Variants in GNA14 observed in about 807,000 individuals in gnomAD.
GNA14 encodes the protein G protein subunit alpha 14.
In GNA14, 50 loss-of-function variants were observed where a neutral mutation model predicts 42.0. The observed-to-expected ratio is 1.19, with a 90% CI of 0.95 to 1.51. GNA14 has a LOEUF of 1.51. Among genes scored for constraint, GNA14 ranks in the 40% most tolerant of loss-of-function variants. GNA14 has a pLI of 0.00. For synonymous variants in GNA14, 173 were observed against 163.1 expected (o/e 1.06, Z -0.46); for missense variants, 473 against 446.2 (o/e 1.06, Z -0.54).
chr9:77,560,992 G>A (rs1822874734), intron 1 of GNA14, among the ~76,000 whole-genome samples: 1 of 152,134 alleles, frequency 6.6e-6, no homozygotes, highest in Admixed American at 6.5e-5. Flanking sequence ...GACCACATAA[G>A]ACCGTCCTCT....
intron 1 of GNA14, among the ~76,000 whole-genome samples, chr9:77,589,832 G>T (rs1050794120): frequency 6.6e-6 from 1 of 152,144 alleles, no homozygotes; most frequent in East Asian, 1.9e-4. Flanking sequence ...TATAAACTAC[G>T]TCTTTTATAA....
At chr9:77,569,206 T>G (rs908053029) in intron 1 of GNA14, among the ~76,000 whole-genome samples, 6 of 151,604 alleles carry the variant, frequency 4.0e-5, no homozygotes, top group East Asian at 1.9e-4. Context: ...CCGCAGAAGG[T>G]GTGTTGAACT....
chr9:77,623,683 C>T (rs1823969943), intron 1 of GNA14, among the ~76,000 whole-genome samples: 1 of 152,174 alleles, frequency 6.6e-6, no homozygotes, highest in Non-Finnish European at 1.5e-5. Context: ...ACTCCCTACC[C>T]TAGCCAAGGG....
intron 1 of GNA14, among the ~76,000 whole-genome samples, chr9:77,583,646 C>G (rs1823260086): frequency 1.3e-5 from 2 of 152,188 alleles, no homozygotes; most frequent in Non-Finnish European, 2.9e-5. Flanking sequence ...TCCCCATCAT[C>G]TCTTCTCCAA....
At chr9:77,631,608 T>C (rs1824101482) in intron 1 of GNA14, among the ~76,000 whole-genome samples, 2 of 152,036 alleles carry the variant, frequency 1.3e-5, no homozygotes, top group East Asian at 1.9e-4. Context: ...CACAGTACAA[T>C]GTCAGTATCT....
chr9:77,594,412 T>G (rs1823433601), intron 1 of GNA14, among the ~76,000 whole-genome samples: 1 of 152,180 alleles, frequency 6.6e-6, no homozygotes, highest in South Asian at 2.1e-4. Context: ...CAAGTTTCCA[T>G]GAACTATCTA....
chr9:77,456,658 GTTCT>G (rs375907855), intron 2 of GNA14: 231 of 152,210 alleles, frequency 1.5e-3, no homozygotes, highest in African/African-American at 5.5e-3. Context: ...AGTAACGTAT[GTTCT>G]TTCTAAAACA....
At chr9:77,457,244 A>G (rs1244760635) in intron 2 of GNA14, among the ~76,000 whole-genome samples, 1 of 152,258 alleles carries the variant, frequency 6.6e-6, no homozygotes, top group African/African-American at 2.4e-5. Flanking sequence ...AGAAAAAGAA[A>G]GAGACTGAGT....
rs1010702900 is a variant in GNA14, at chr9:77,473,896, C to A, written c.310-39374G>T. On this transcript the variant is annotated intron_variant, in intron 2 of 6. Coordinates refer to ENST00000341700, the MANE Select transcript of GNA14 (RefSeq NM_004297.4). ...CTGATTTTATTACAAAGGTGCCAAG[C>A]TAATTCAATGGGAAAAGATTGTTCC... Among the ~76,000 whole-genome samples, 3 of 152,128 alleles carry A rather than the reference C, an allele frequency of 2.0e-5. No homozygotes were observed. The South Asian group carries it at 6.2e-4, about 31-fold the overall frequency.
chr9:77,630,942 G>C (rs542369586), intron 1 of GNA14, among the ~76,000 whole-genome samples: 89 of 152,252 alleles, frequency 5.8e-4, no homozygotes, highest in African/African-American at 2.1e-3. Context: ...CCCAACATTA[G>C]AGTCTATTTT....
intron 1 of GNA14, among the ~76,000 whole-genome samples, chr9:77,641,826 C>T (rs1420989557): frequency 6.6e-6 from 1 of 152,050 alleles, no homozygotes; most frequent in Non-Finnish European, 1.5e-5. Context: ...ACAGACCTTT[C>T]ATAAGTGTAC....
intron 1 of GNA14, among the ~76,000 whole-genome samples, chr9:77,611,828 G>A (rs1489625965): frequency 6.6e-6 from 1 of 152,142 alleles, no homozygotes; most frequent in African/African-American, 2.4e-5. Flanking sequence ...TATTCTGAGT[G>A]AGCCAAAATA....
chr9:77,639,757 C>T (rs1824230732), intron 1 of GNA14, among the ~76,000 whole-genome samples: 2 of 152,232 alleles, frequency 1.3e-5, no homozygotes, highest in Admixed American at 1.3e-4. Flanking sequence ...TCTCCAATTT[C>T]CATTAATTCT....
chr9:77,571,783 G>A (rs1340064629), intron 1 of GNA14, among the ~76,000 whole-genome samples: 1 of 150,888 alleles, frequency 6.6e-6, no homozygotes, highest in Non-Finnish European at 1.5e-5. Context: ...GTTAAGTGCT[G>A]TGAATACACA....
chr9:77,625,337 CAGG>C (rs1456344490), intron 1 of GNA14, among the ~76,000 whole-genome samples: 2 of 152,050 alleles, frequency 1.3e-5, no homozygotes, highest in African/African-American at 2.4e-5. Flanking sequence ...GGATATTATC[CAGG>C]AGAACTTCCC....
intron 1 of GNA14, among the ~76,000 whole-genome samples, chr9:77,547,717 T>TA: frequency 6.6e-6 from 1 of 152,338 alleles, no homozygotes; most frequent in East Asian, 1.9e-4. Context: ...TGGATGACCT[T>TA]AAACAAATTA....
intron 2 of GNA14, among the ~76,000 whole-genome samples, chr9:77,511,281 T>C (rs1837164319): frequency 6.6e-6 from 1 of 152,096 alleles, no homozygotes; most frequent in Non-Finnish European, 1.5e-5. Flanking sequence ...ACAATTTCAA[T>C]TCCCACTTTG....
At chr9:77,559,017 G>A (rs553540829) in intron 1 of GNA14, among the ~76,000 whole-genome samples, 5 of 151,526 alleles carry the variant, frequency 3.3e-5, no homozygotes, top group South Asian at 4.2e-4. Context: ...CTTCTCCATC[G>A]TTGGCTGGCT....
intron 2 of GNA14, among the ~76,000 whole-genome samples, chr9:77,490,757 G>A (rs1322058671): frequency 6.6e-6 from 1 of 152,182 alleles, no homozygotes; most frequent in East Asian, 1.9e-4. Context: ...TCCTGCTCAC[G>A]CCTCTCCCTC....
Sources: allele counts gnomAD v4.1 joint callset (sites outside exome capture counted in the v4.1 genomes callset), GRCh38; gene constraint gnomAD v4.1.1; transcripts MANE v1.5; gene names NCBI Gene and HGNC (gene_info 2026-07-23, HGNC 2026-07-21).